Variants in DOCK8 observed in about 807,000 individuals in gnomAD.
DOCK8 encodes dedicator of cytokinesis protein 8.
Under a neutral mutation model 245.6 loss-of-function variants are expected in DOCK8, and 141 were observed. That is an observed-to-expected ratio of 0.57 (90% CI 0.50 to 0.66). The LOEUF (loss-of-function observed/expected upper bound fraction) is 0.66, where lower values mean the gene tolerates loss of function less well. Ranked by LOEUF, DOCK8 falls within the 30% of genes least tolerant of loss-of-function variation. The pLI, the probability that DOCK8 is intolerant of heterozygous loss-of-function variation, is 0.00. For synonymous variants in DOCK8, 1,168 were observed against 970.2 expected (o/e 1.20, Z -3.79); for missense variants, 2,965 against 2,603.4 (o/e 1.14, Z -3.02).
chr9:407,352 C>T (rs928475074), intron 28 of DOCK8, among the ~76,000 whole-genome samples: 1 of 152,138 alleles, frequency 6.6e-6, no homozygotes, highest in Non-Finnish European at 1.5e-5. Context: ...GCAGGTTTCC[C>T]AAGGATGCTT....
chr9:367,113 G>C (rs1000432132), intron 14 of DOCK8, among the ~76,000 whole-genome samples: 2 of 152,166 alleles, frequency 1.3e-5, no homozygotes, highest in South Asian at 4.1e-4. Flanking sequence ...CCAACCTATA[G>C]GATAGCTATG....
intron 29 of DOCK8, among the ~76,000 whole-genome samples, chr9:415,273 C>T (rs932423037): frequency 1.3e-5 from 2 of 152,054 alleles, no homozygotes; most frequent in African/African-American, 4.8e-5. Context: ...AAGATTACTG[C>T]CTTTGGAGAT....
At chr9:382,182 G>A (rs1280856788) in intron 21 of DOCK8, among the ~76,000 whole-genome samples, 1 of 152,026 alleles carries the variant, frequency 6.6e-6, no homozygotes, top group Non-Finnish European at 1.5e-5. Context: ...CACATTTTTA[G>A]CTTCTCATGA....
intron 21 of DOCK8, 50 bp downstream of exon 21, chr9:379,985 C>T (rs1046997584): frequency 8.2e-6 from 13 of 1,586,018 alleles, no homozygotes; most frequent in South Asian, 1.1e-5. Flanking sequence ...AACACCACCT[C>T]CACCCCACTG....
intron 1 of DOCK8, among the ~76,000 whole-genome samples, chr9:266,339 C>A (rs2048034432): frequency 6.6e-6 from 1 of 151,780 alleles, no homozygotes. Context: ...AACAGAGAGC[C>A]CAGCAATTTG....
chr9:392,303 A>C (rs1415374445), intron 24 of DOCK8, among the ~76,000 whole-genome samples: 1 of 152,136 alleles, frequency 6.6e-6, no homozygotes, highest in Non-Finnish European at 1.5e-5. Flanking sequence ...CTGGGGAGGA[A>C]ATAGGAAGCA....
At chr9:287,605 G>T (rs149260351) in intron 3 of DOCK8, among the ~76,000 whole-genome samples, 2 of 152,220 alleles carry the variant, frequency 1.3e-5, no homozygotes, top group East Asian at 3.9e-4. Flanking sequence ...ATTGTGAACC[G>T]TTGCTCTCTT....
At chr9:227,972 T>C (rs1207642779) in intron 1 of DOCK8, among the ~76,000 whole-genome samples, 1 of 152,116 alleles carries the variant, frequency 6.6e-6, no homozygotes, top group East Asian at 1.9e-4. Flanking sequence ...CAAAGAGCCA[T>C]TGGATTTACC....
At chr9:432,078 T>A (rs527949324) in intron 36 of DOCK8, 88 bp from the exon 37 acceptor site, 3 of 1,368,668 alleles carry the variant, frequency 2.2e-6, no homozygotes, top group Non-Finnish European at 2.1e-6. Context: ...ACTGAGGAGT[T>A]GTTTGTGTCT....
intron 3 of DOCK8, among the ~76,000 whole-genome samples, chr9:288,102 T>G (rs1322589650): frequency 6.6e-6 from 1 of 152,114 alleles, no homozygotes; most frequent in Non-Finnish European, 1.5e-5. Flanking sequence ...ATTTCTTTAC[T>G]TAGCATCAGT....
intron 17 of DOCK8, among the ~76,000 whole-genome samples, chr9:371,972 T>G (rs544498418): frequency 5.9e-5 from 9 of 152,180 alleles, no homozygotes; most frequent in Non-Finnish European, 1.3e-4. Flanking sequence ...ATGCTACTGC[T>G]TTAGCTCCAA....
At chr9:279,983 A>C (rs753557430) in intron 2 of DOCK8, among the ~76,000 whole-genome samples, 8 of 152,132 alleles carry the variant, frequency 5.3e-5, no homozygotes, top group Non-Finnish European at 8.8e-5. Flanking sequence ...TGAGTCAGCT[A>C]TCTGTATACT....
intron 43 of DOCK8, among the ~76,000 whole-genome samples, chr9:445,017 G>A (rs965002263): frequency 6.6e-6 from 1 of 152,226 alleles, no homozygotes; most frequent in African/African-American, 2.4e-5. Context: ...ATGGAAGAGG[G>A]GAAGAATTGG....
At chr9:422,451 T>G (rs1047267796) in intron 33 of DOCK8, among the ~76,000 whole-genome samples, 1 of 152,192 alleles carries the variant, frequency 6.6e-6, no homozygotes, top group African/African-American at 2.4e-5. Context: ...CAGGACACGG[T>G]GCCTAGGACC....
chr9:316,903 T>A (rs1187898715), intron 6 of DOCK8, 140 bp from the exon 7 acceptor site: 1 of 707,422 alleles, frequency 1.4e-6, no homozygotes, highest in Non-Finnish European at 2.6e-6. Flanking sequence ...AACTTTCTTA[T>A]AAAAGGCAGA....
chr9:324,112 G>T (rs549340395), intron 7 of DOCK8, among the ~76,000 whole-genome samples: 5 of 152,210 alleles, frequency 3.3e-5, no homozygotes, highest in African/African-American at 1.2e-4. Flanking sequence ...GATTAGGGTC[G>T]CAGAATTAGC....
chr9:309,392 A>G (rs1180344212), intron 5 of DOCK8, among the ~76,000 whole-genome samples: 2 of 152,190 alleles, frequency 1.3e-5, no homozygotes, highest in South Asian at 4.1e-4. Context: ...AATGTGTAGT[A>G]TGGAGAAATT....
At chr9:387,581 TGGACTGGATGAGGGAAAGACCAAGTG>T (rs2054008483) in intron 23 of DOCK8, among the ~76,000 whole-genome samples, 1 of 152,222 alleles carries the variant, frequency 6.6e-6, no homozygotes, top group South Asian at 2.1e-4. Flanking sequence ...AGTCTCCCTT[TGGACTGGATGAGGGAAAGACCAAGTG>T]TGGGAGGGCC....
chr9:315,353 G>T (rs1321798547), intron 6 of DOCK8, among the ~76,000 whole-genome samples: 2 of 152,086 alleles, frequency 1.3e-5, no homozygotes, highest in South Asian at 4.1e-4. Flanking sequence ...ATTTCAGTTA[G>T]CTATAAAGCC....
Sources: gnomAD v4.1 joint callset for allele counts (sites outside exome capture counted in the v4.1 genomes callset) on GRCh38, gnomAD v4.1.1 for gene constraint, MANE v1.5 for transcripts, NCBI Gene and HGNC (gene_info 2026-07-23, HGNC 2026-07-21) for gene names.